PACSIN2: variants seen among roughly 807,000 people sequenced by gnomAD.
PACSIN2 encodes protein kinase C and casein kinase substrate in neurons 2.
Under a neutral mutation model 63.8 loss-of-function variants are expected in PACSIN2, and 25 were observed. That is an observed-to-expected ratio of 0.39 (90% CI 0.29 to 0.55). PACSIN2 has a LOEUF of 0.55. Ranked by LOEUF, PACSIN2 falls within the 20% of genes least tolerant of loss-of-function variation. PACSIN2 has a pLI of 0.62. For missense variants in PACSIN2, 518 were observed against 646.9 expected (o/e 0.80, Z 2.16); for synonymous variants, 255 against 256.2 (o/e 1.00, Z 0.05).
chr22:42,876,992 G>A lies in PACSIN2; in HGVS notation c.1047C>T (p.Ser349=), dbSNP rs1928689806. ...SKPSSTLNVP[S]NPAQSAQSQS... The stretch of plus-strand genomic sequence containing the variant: ...GTGACTGCGCAGACTGGGCGGGGTT[G>A]CTCGGGACATTAAGGGTGCTATGGA... The change falls in exon 9 of 11, where the codon AGC becomes AGT. Residue 349 remains serine, a synonymous_variant. Coordinates refer to ENST00000263246, the MANE Select transcript of PACSIN2 (RefSeq NM_001184970.3). 1 of 1,614,056 alleles carries A rather than the reference G, an allele frequency of 6.2e-7. No individual in the cohort carries two copies. Among genetic ancestry groups the A allele is most frequent in the Non-Finnish European group, 8.5e-7 (1 of 1,180,020 alleles).
At position 42,879,185 on chromosome 22, in the gene PACSIN2, C is replaced by T. The variant is rs1338615812; in HGVS notation, c.907-16G>A. 5.0e-6 allele frequency: 8 copies of T among 1,609,684 alleles called. No individual in the cohort carries two copies. The highest frequency in any genetic ancestry group is 1.7e-6 in the Non-Finnish European group (2 of 1,177,832). ...CGGACCACTCCTAGGCAACAGGTGC[C>T]GAGGGAGAGAAACCAAAGGTTCACT... On this transcript the variant is annotated splice_polypyrimidine_tract_variant and intron_variant, in intron 7 of 10. Transcript: ENST00000263246.
At chr22:42,928,306 A>C (rs551199563) in intron 1 of PACSIN2, among the ~76,000 whole-genome samples, 8 of 152,368 alleles carry the variant, frequency 5.3e-5, no homozygotes, top group African/African-American at 1.9e-4. Flanking sequence ...AGAGTGCTGT[A>C]GGCGATGAAA....
chr22:42,893,393 C>A, intron 3 of PACSIN2, 64 bp downstream of exon 3: 1 of 1,535,804 alleles, frequency 6.5e-7, no homozygotes, highest in Non-Finnish European at 8.9e-7. Context: ...TCACAACGTG[C>A]CCAGAGCCCC....
At chr22:42,881,267 C>A (rs879673761) in intron 7 of PACSIN2, among the ~76,000 whole-genome samples, 10 of 152,206 alleles carry the variant, frequency 6.6e-5, no homozygotes, top group Admixed American at 6.5e-4. Context: ...AATAGCCCTG[C>A]GTGGACAAAG....
chr22:42,970,626 A>C (rs2146865889), intron 1 of PACSIN2, among the ~76,000 whole-genome samples: 1 of 152,402 alleles, frequency 6.6e-6, no homozygotes, highest in East Asian at 1.9e-4. Context: ...AAGTTTAACG[A>C]ACATTCATTA....
At chr22:42,905,585 G>A (rs968432994) in intron 2 of PACSIN2, among the ~76,000 whole-genome samples, 5 of 152,212 alleles carry the variant, frequency 3.3e-5, no homozygotes, top group African/African-American at 9.6e-5. Context: ...CCCAAATTCT[G>A]CTTTCTTTTC....
chr22:42,997,297 G>A (rs1259521406), intron 1 of PACSIN2, among the ~76,000 whole-genome samples: 2 of 152,236 alleles, frequency 1.3e-5, no homozygotes, highest in Non-Finnish European at 2.9e-5. Flanking sequence ...AGTGGCTCAC[G>A]CCTGTTATCC....
intron 1 of PACSIN2, among the ~76,000 whole-genome samples, chr22:42,960,853 T>C (rs1934108028): frequency 1.3e-5 from 2 of 152,200 alleles, no homozygotes; most frequent in African/African-American, 4.8e-5. Context: ...TATTATTCAA[T>C]AACACTTTTT....
intron 1 of PACSIN2, among the ~76,000 whole-genome samples, chr22:42,916,792 T>C (rs1931839731): frequency 6.6e-6 from 1 of 152,132 alleles, no homozygotes; most frequent in African/African-American, 2.4e-5. Flanking sequence ...CTCGCAGGCA[T>C]GGAGAAGGCC....
At chr22:42,984,817 AC>A (rs1166209020) in intron 1 of PACSIN2, among the ~76,000 whole-genome samples, 1 of 152,158 alleles carries the variant, frequency 6.6e-6, no homozygotes, top group Non-Finnish European at 1.5e-5. Context: ...CCTTCTCAGC[AC>A]ATCAACACCC....
chr22:42,907,406 AG>A (rs1160112283), intron 2 of PACSIN2, among the ~76,000 whole-genome samples: 1 of 152,236 alleles, frequency 6.6e-6, no homozygotes, highest in Non-Finnish European at 1.5e-5. Flanking sequence ...TTCAGTGAAA[AG>A]AAATAATTAA....
chr22:42,921,741 T>G (rs78196708), intron 1 of PACSIN2, among the ~76,000 whole-genome samples: 1 of 60,170 alleles, frequency 1.7e-5, no homozygotes, highest in African/African-American at 4.1e-5. Context: ...ATTTAGAAGC[T>G]TTTTTTTTTT....
chr22:42,965,922 A>T (rs55682747), intron 1 of PACSIN2, among the ~76,000 whole-genome samples: 90,988 of 150,896 alleles, frequency 0.6, 27,864 homozygotes, highest in East Asian at 0.78. Flanking sequence ...TAAATAAATA[A>T]ATAATCATAA....
intron 1 of PACSIN2, among the ~76,000 whole-genome samples, chr22:43,004,437 C>T (rs558950329): frequency 2.6e-5 from 4 of 152,264 alleles, no homozygotes; most frequent in East Asian, 3.9e-4. Flanking sequence ...GAGCAAAGGT[C>T]GCAATTGCTT....
At chr22:42,996,017 A>T (rs1923372157) in intron 1 of PACSIN2, among the ~76,000 whole-genome samples, 1 of 151,980 alleles carries the variant, frequency 6.6e-6, no homozygotes, top group Admixed American at 6.6e-5. Context: ...TCAGGAGATC[A>T]AGACCATCCT....
intron 1 of PACSIN2, among the ~76,000 whole-genome samples, chr22:42,918,603 A>C (rs1569269378): frequency 6.6e-6 from 1 of 152,212 alleles, no homozygotes; most frequent in African/African-American, 2.4e-5. Context: ...GCTGAGACTC[A>C]ACCCAGACCA....
intron 1 of PACSIN2, among the ~76,000 whole-genome samples, chr22:42,920,435 T>C (rs996306167): frequency 2.0e-5 from 3 of 152,366 alleles, no homozygotes; most frequent in East Asian, 1.9e-4. Context: ...ATGTTTCCCA[T>C]GTAGTTCCTC....
intron 1 of PACSIN2, among the ~76,000 whole-genome samples, chr22:42,968,123 C>T (rs181164731): frequency 0.01 from 1,557 of 152,310 alleles, 59 homozygotes; most frequent in Admixed American, 0.081. Flanking sequence ...CGGGAAGCTG[C>T]AACCCTGGCT....
intron 1 of PACSIN2, among the ~76,000 whole-genome samples, chr22:43,009,863 CTATTT>C (rs1296960321): frequency 1.5e-5 from 2 of 131,812 alleles, no homozygotes; most frequent in African/African-American, 5.9e-5. Flanking sequence ...TTTATTTTTT[CTATTT>C]TTTTTTTTTT....
Sources: gnomAD v4.1 joint callset for allele counts (sites outside exome capture counted in the v4.1 genomes callset) on GRCh38, gnomAD v4.1.1 for gene constraint, MANE v1.5 for transcripts, NCBI Gene and HGNC (gene_info 2026-07-23, HGNC 2026-07-21) for gene names.